PRKD1: variants seen among roughly 807,000 people sequenced by gnomAD.
The protein encoded by PRKD1 is serine/threonine-protein kinase D1.
A neutral mutation model predicts 95.9 loss-of-function variants in PRKD1; 63 were observed. That is an observed-to-expected ratio of 0.66 (90% CI 0.54 to 0.81). The LOEUF is 0.81. PRKD1 is among the 30% of genes least tolerant of loss of function. The pLI is 0.00. For missense variants in PRKD1, 1,048 were observed against 1,165.3 expected, an observed-to-expected ratio of 0.90 and a Z score of 1.47; for synonymous variants, 425 against 423.1, an observed-to-expected ratio of 1.00 and a Z score of -0.05.
At chr14:29,817,492 T>C (rs1890738848) in intron 1 of PRKD1, among the ~76,000 whole-genome samples, 1 of 152,274 alleles carries the variant, frequency 6.6e-6, no homozygotes, top group East Asian at 1.9e-4. Flanking sequence ...AGGAGGAGAT[T>C]TATTTTTATT....
In PRKD1 at chr14:29,666,111, C is replaced by T. The variant is rs1298237563; in HGVS notation, c.501G>A (p.Leu167=). 1.2e-6 allele frequency: 2 copies of T among 1,602,128 alleles called. No individual in the cohort carries two copies. The highest frequency in any genetic ancestry group is 2.2e-5 in the South Asian group (2 of 88,986). The part of the protein sequence containing the change: ...PAFCDHCGEM[L]WGLVRQGLKC... ...TAAGACCTTGACGTACCAGCCCCCA[C>T]AGCATTTCTCCACAGTGATCACAGA... Residue 167 remains leucine, a synonymous_variant, in exon 3 of 18, where the codon CTG becomes CTA. Coordinates refer to ENST00000331968, the MANE Select transcript of PRKD1 (RefSeq NM_002742.3).
intron 8 of PRKD1, among the ~76,000 whole-genome samples, chr14:29,633,619 T>G (rs183681798): frequency 1.3e-5 from 2 of 152,292 alleles, no homozygotes; most frequent in East Asian, 3.9e-4. Flanking sequence ...ATTTTTATCT[T>G]ATAAAAGACC....
chr14:29,725,125 AGTCAAAG>A (rs1886076586), intron 2 of PRKD1, among the ~76,000 whole-genome samples: 1 of 152,148 alleles, frequency 6.6e-6, no homozygotes, highest in Non-Finnish European at 1.5e-5. Flanking sequence ...GACCTTAGTA[AGTCAAAG>A]GCTTCTTAGC....
chr14:29,585,250 T>TCAGGGACTGAAAC (rs1210936267), intron 16 of PRKD1, among the ~76,000 whole-genome samples: 76 of 152,216 alleles, frequency 5.0e-4, no homozygotes, highest in Non-Finnish European at 9.0e-4. Context: ...GACGCTCCTC[T>TCAGGGACTGAAAC]CAGGGACTGA....
chr14:29,630,158 C>T (rs1172147542), intron 10 of PRKD1, among the ~76,000 whole-genome samples: 1 of 151,878 alleles, frequency 6.6e-6, no homozygotes, highest in Non-Finnish European at 1.5e-5. Flanking sequence ...CCTCCTTCTC[C>T]CCCTCCTCCT....
chr14:29,723,681 G>A (rs1455634668), intron 2 of PRKD1, among the ~76,000 whole-genome samples: 2 of 151,746 alleles, frequency 1.3e-5, no homozygotes, highest in Non-Finnish European at 2.9e-5. Context: ...GTGTGTGTGT[G>A]TGTGTGTGTG....
chr14:29,661,583 C>T (rs1321410072), intron 4 of PRKD1, among the ~76,000 whole-genome samples: 1 of 151,990 alleles, frequency 6.6e-6, no homozygotes, highest in Non-Finnish European at 1.5e-5. Flanking sequence ...CAAGGTGGGC[C>T]AATGTTTCCT....
intron 1 of PRKD1, among the ~76,000 whole-genome samples, chr14:29,825,752 A>AT (rs1566621565): frequency 6.6e-6 from 1 of 151,982 alleles, no homozygotes; most frequent in East Asian, 1.9e-4. Flanking sequence ...TTTGAAAGAT[A>AT]TTTTTTTCCT....
intron 16 of PRKD1, among the ~76,000 whole-genome samples, chr14:29,584,373 T>A (rs576064034): frequency 3.3e-5 from 5 of 152,276 alleles, no homozygotes; most frequent in Non-Finnish European, 7.4e-5. Context: ...AAGAAAAGAC[T>A]GTAACTGGAC....
intron 1 of PRKD1, among the ~76,000 whole-genome samples, chr14:29,916,627 A>C (rs772587479): frequency 6.6e-6 from 1 of 151,280 alleles, no homozygotes; most frequent in East Asian, 1.9e-4. Context: ...AATAACTGCG[A>C]CTCTTGGTCA....
intron 4 of PRKD1, among the ~76,000 whole-genome samples, chr14:29,660,428 T>C (rs959538563): frequency 1.3e-5 from 2 of 152,186 alleles, no homozygotes; most frequent in Non-Finnish European, 2.9e-5. Flanking sequence ...TACTTCTTCA[T>C]TGTAGGAGGC....
chr14:29,816,883 T>C (rs1890714447), intron 1 of PRKD1, among the ~76,000 whole-genome samples: 1 of 152,214 alleles, frequency 6.6e-6, no homozygotes, highest in Non-Finnish European at 1.5e-5. Flanking sequence ...ATATTTTCTC[T>C]GTTGCTGCCT....
At chr14:29,789,845 G>T (rs1421520115) in intron 1 of PRKD1, among the ~76,000 whole-genome samples, 1 of 152,116 alleles carries the variant, frequency 6.6e-6, no homozygotes, top group African/African-American at 2.4e-5. Context: ...TGTCAGCCAT[G>T]GCAGGTGAGG....
intron 3 of PRKD1, among the ~76,000 whole-genome samples, chr14:29,665,632 T>G (rs994653433): frequency 6.6e-6 from 1 of 152,102 alleles, no homozygotes; most frequent in Non-Finnish European, 1.5e-5. Flanking sequence ...GTATTCACAA[T>G]TGCAAAGGTA....
chr14:29,797,582 G>T (rs1889869982), intron 1 of PRKD1, among the ~76,000 whole-genome samples: 1 of 152,076 alleles, frequency 6.6e-6, no homozygotes, highest in Non-Finnish European at 1.5e-5. Flanking sequence ...TTATCAAAGG[G>T]GGCTGATCAT....
At chr14:29,860,455 T>C (rs112232384) in intron 1 of PRKD1, among the ~76,000 whole-genome samples, 2 of 152,262 alleles carry the variant, frequency 1.3e-5, no homozygotes, top group African/African-American at 4.8e-5. Flanking sequence ...AGGTCTTGCC[T>C]GAGAACCAGC....
chr14:29,687,083 C>T (rs1258641917), intron 2 of PRKD1, among the ~76,000 whole-genome samples: 2 of 151,976 alleles, frequency 1.3e-5, no homozygotes, highest in Non-Finnish European at 2.9e-5. Flanking sequence ...CTCTGTTTTT[C>T]TTAAGGTCTG....
chr14:29,765,748 A>G (rs1170376719), intron 1 of PRKD1, among the ~76,000 whole-genome samples: 1 of 152,242 alleles, frequency 6.6e-6, no homozygotes, highest in African/African-American at 2.4e-5. Flanking sequence ...AAATCATGAT[A>G]GTAAATGTAA....
chr14:29,811,486 T>C (rs1890482733), intron 1 of PRKD1, among the ~76,000 whole-genome samples: 1 of 152,162 alleles, frequency 6.6e-6, no homozygotes, highest in Admixed American at 6.5e-5. Context: ...TAAGGATGCA[T>C]TAAGCATCTA....
Sources: allele counts gnomAD v4.1 joint callset (sites outside exome capture counted in the v4.1 genomes callset), GRCh38; gene constraint gnomAD v4.1.1; transcripts MANE v1.5; gene names NCBI Gene and HGNC (gene_info 2026-07-23, HGNC 2026-07-21).